The following ARNT variants were observed in gnomAD, a reference collection of about 807,000 sequenced individuals.
ARNT encodes the protein aryl hydrocarbon receptor nuclear translocator, also known as class E basic helix-loop-helix protein 2.
A neutral mutation model predicts 105.0 loss-of-function variants in ARNT; 30 were observed. The ratio of observed to expected loss-of-function variants is 0.29; its 90% CI spans 0.21 to 0.39. The LOEUF is 0.39. Among genes scored for constraint, ARNT ranks in the 10% least tolerant of loss-of-function variants. The pLI is 1.00. For synonymous variants in ARNT, 304 were observed against 344.0 expected (o/e 0.88, Z 1.29); for missense variants, 748 against 978.7 (o/e 0.76, Z 3.15).
At chr1:150,812,260 A>C in intron 21 of ARNT, 150 bp from the exon 22 acceptor site, 1 of 461,042 alleles carries the variant, frequency 2.2e-6, no homozygotes, top group East Asian at 3.5e-5. Context: ...AACAACTTTG[A>C]CTCCTTTAGA....
intron 14 of ARNT, among the ~76,000 whole-genome samples, chr1:150,822,294 T>C (rs1440489001): frequency 6.6e-6 from 1 of 152,154 alleles, no homozygotes; most frequent in African/African-American, 2.4e-5. Context: ...ATGAGTTGAC[T>C]GAGGGCTGGC....
At position 150,852,784 on chromosome 1, in the gene ARNT, C is replaced by T; in HGVS notation, c.160G>A (p.Glu54Lys). 6.2e-6 allele frequency: 10 copies of T among 1,614,018 alleles called. No homozygotes were observed. Among genetic ancestry groups the T allele is most frequent in the African/African-American group, 1.3e-5 (1 of 75,010 alleles). ...RPGLDFDDDG[E>K]GNSKFLRCDD... ...TACCTCAAAAATTTACTGTTCCCTT[C>T]TCCATCATCATCAAAATCCAGCCTG... Residue 54 changes from glutamate to lysine, a missense_variant, in exon 3 of 22, where the codon GAA becomes AAA. Transcript: ENST00000358595.
intron 6 of ARNT, among the ~76,000 whole-genome samples, chr1:150,838,986 C>A (rs868454344): frequency 1.1e-4 from 17 of 152,310 alleles, no homozygotes; most frequent in Non-Finnish European, 1.2e-4. Context: ...ATAGTGATCA[C>A]ATGTAACAGA....
chr1:150,811,535 A>G lies in ARNT; in HGVS notation c.*486T>C, dbSNP rs1654739388. The G allele has an allele frequency of 4.3e-6, 1 of 233,746 alleles. No homozygotes were observed. The highest frequency in any genetic ancestry group is 8.5e-6 in the Non-Finnish European group (1 of 118,144). The allele number at this position is 233,746 out of a possible 1,614,324, so 14.5% of individuals were successfully genotyped here. A position where few individuals can be genotyped will look rare whatever the true frequency, so the allele number is the denominator to read the frequency against. ...GTTTCTTTCCAGAGGGACTGCTCAC[A>G]GGCAGCAAAAAGAGCCTATGCTCAA... On this transcript the variant is annotated 3_prime_UTR_variant, in exon 22 of 22. Transcript: ENST00000358595.
intron 1 of ARNT, among the ~76,000 whole-genome samples, chr1:150,866,217 A>AG (rs1171950648): frequency 6.6e-6 from 1 of 152,156 alleles, no homozygotes; most frequent in East Asian, 1.9e-4. Context: ...TCCTGACCTC[A>AG]GGTGATCCAC....
chr1:150,845,780 T>C (rs587631945), intron 4 of ARNT, among the ~76,000 whole-genome samples: 1 of 152,142 alleles, frequency 6.6e-6, no homozygotes, highest in South Asian at 2.1e-4. Context: ...CAGGGGCCTA[T>C]AATCCCAGCT....
At chr1:150,872,068 C>A (rs914703372) in intron 1 of ARNT, among the ~76,000 whole-genome samples, 6 of 152,012 alleles carry the variant, frequency 3.9e-5, no homozygotes, top group Non-Finnish European at 5.9e-5. Flanking sequence ...GTGATACTCC[C>A]ATCTCAGCCT....
At chr1:150,871,809 G>C (rs1211766469) in intron 1 of ARNT, among the ~76,000 whole-genome samples, 1 of 147,374 alleles carries the variant, frequency 6.8e-6, no homozygotes, top group Non-Finnish European at 1.5e-5. Flanking sequence ...TCGGGAGGCT[G>C]AGGCGGGAGA....
intron 1 of ARNT, among the ~76,000 whole-genome samples, 181 bp downstream of exon 1, chr1:150,876,362 C>T (rs1473604454): frequency 6.6e-6 from 1 of 152,088 alleles, no homozygotes; most frequent in Non-Finnish European, 1.5e-5. Context: ...ATACTCGAGT[C>T]TACCCAAGTC....
intron 14 of ARNT, among the ~76,000 whole-genome samples, chr1:150,819,226 TA>T (rs34093716): frequency 0.44 from 63,178 of 143,064 alleles, 13,735 homozygotes; most frequent in South Asian, 0.56. Context: ...ATGGCTACAA[TA>T]AAAAAAAAAA....
intron 1 of ARNT, among the ~76,000 whole-genome samples, chr1:150,875,230 T>C (rs1668071022): frequency 6.6e-6 from 1 of 152,126 alleles, no homozygotes; most frequent in Non-Finnish European, 1.5e-5. Flanking sequence ...CAATGTAATT[T>C]TTGCGATTAA....
chr1:150,845,604 T>C (rs954334539), intron 4 of ARNT, among the ~76,000 whole-genome samples: 3 of 150,840 alleles, frequency 2.0e-5, no homozygotes. Context: ...TGAGACTCTG[T>C]CTCAAAAAAA....
At chr1:150,822,743 G>A (rs1208052604) in intron 14 of ARNT, among the ~76,000 whole-genome samples, 1 of 152,188 alleles carries the variant, frequency 6.6e-6, no homozygotes, top group Non-Finnish European at 1.5e-5. Flanking sequence ...CAGCTGGTCA[G>A]TCAGATGCAC....
chr1:150,839,382 A>G (rs1660868786), intron 6 of ARNT, 59 bp downstream of exon 6: 1 of 1,576,232 alleles, frequency 6.3e-7, no homozygotes, highest in South Asian at 1.1e-5. Flanking sequence ...CAAAAAACGA[A>G]AACTTTCAAG....
intron 1 of ARNT, among the ~76,000 whole-genome samples, chr1:150,870,772 G>A (rs1667298821): frequency 6.6e-6 from 1 of 151,904 alleles, no homozygotes; most frequent in Non-Finnish European, 1.5e-5. Flanking sequence ...GCCTCCCAAA[G>A]TGCTAGGATT....
intron 3 of ARNT, among the ~76,000 whole-genome samples, chr1:150,850,035 G>A (rs1008600942): frequency 1.3e-5 from 2 of 152,144 alleles, no homozygotes; most frequent in African/African-American, 4.8e-5. Context: ...CTGGGCAACA[G>A]AGGAAGACTC....
intron 1 of ARNT, among the ~76,000 whole-genome samples, chr1:150,859,577 A>G (rs1037031614): frequency 1.3e-5 from 2 of 151,328 alleles, no homozygotes; most frequent in African/African-American, 4.9e-5. Flanking sequence ...GGCTGGTCTC[A>G]AACTCCTGAG....
rs1045837952 is a variant in ARNT, at chr1:150,849,562, G to A, written c.182+3200C>T. Among the ~76,000 whole-genome samples the A allele has an allele frequency of 3.9e-5, 6 of 152,186 alleles. No individual in the cohort carries two copies. In the East Asian group the frequency reaches 1.2e-3, roughly 29 times the overall value. Reference sequence around the variant, plus strand: ...ACACTTTGGAAGGCCAAGGTGGGAGGATTGCTTGAGCACAGGAGTTTAAGA... The same window carrying A: ...ACACTTTGGAAGGCCAAGGTGGGAGAATTGCTTGAGCACAGGAGTTTAAGA... On this transcript the variant is annotated intron_variant, in intron 3 of 21. Transcript: ENST00000358595.
At chr1:150,821,105 C>T (rs746647320) in intron 14 of ARNT, among the ~76,000 whole-genome samples, 6 of 152,146 alleles carry the variant, frequency 3.9e-5, no homozygotes, top group Non-Finnish European at 7.4e-5. Flanking sequence ...AGAGAAAATG[C>T]ATTTACAGCA....
Sources: gnomAD v4.1 joint callset for allele counts (sites outside exome capture counted in the v4.1 genomes callset) on GRCh38, gnomAD v4.1.1 for gene constraint, MANE v1.5 for transcripts, NCBI Gene and HGNC (gene_info 2026-07-23, HGNC 2026-07-21) for gene names.